Variants in MTMR7 observed in about 807,000 individuals in gnomAD.
MTMR7 encodes myotubularin related protein 7.
Under a neutral mutation model 81.2 loss-of-function variants are expected in MTMR7, and 76 were observed. That is an observed-to-expected ratio of 0.94 (90% CI 0.78 to 1.13). The LOEUF (loss-of-function observed/expected upper bound fraction) is 1.13. Ranked by LOEUF, MTMR7 falls within the 50% of genes most tolerant of loss-of-function variation. The probability of loss-of-function intolerance (pLI) is 0.00; values close to 1 mark genes in which losing one functional copy is unlikely to be tolerated. For missense variants in MTMR7, 1,044 were observed against 820.0 expected (o/e 1.27, Z -3.34); for synonymous variants, 372 against 289.8 (o/e 1.28, Z -2.88).
intron 7 of MTMR7, 98 bp downstream of exon 7, chr8:17,331,052 C>T: frequency 7.2e-7 from 1 of 1,396,862 alleles, no homozygotes; most frequent in Non-Finnish European, 9.7e-7. Flanking sequence ...AATTATCACA[C>T]CTATGTAAAA....
chr8:17,329,276 A>G (rs767187983), intron 7 of MTMR7, among the ~76,000 whole-genome samples: 5 of 152,198 alleles, frequency 3.3e-5, no homozygotes, highest in Non-Finnish European at 7.3e-5. Context: ...CAGCCTCCGC[A>G]ATGGTTTATA....
intron 2 of MTMR7, among the ~76,000 whole-genome samples, chr8:17,371,786 TG>T (rs533771667): frequency 6.2e-4 from 94 of 151,994 alleles, no homozygotes; most frequent in Admixed American, 1.4e-3. Context: ...TGTGATGCTG[TG>T]ATATATGTAC....
At chr8:17,372,527 G>T (rs1554515977) in intron 2 of MTMR7, among the ~76,000 whole-genome samples, 1 of 152,104 alleles carries the variant, frequency 6.6e-6, no homozygotes, top group African/African-American at 2.4e-5. Flanking sequence ...GGCAGAGGCT[G>T]CAGTGAGCTG....
At chr8:17,362,279 T>C (rs1820083462) in intron 3 of MTMR7, among the ~76,000 whole-genome samples, 1 of 152,218 alleles carries the variant, frequency 6.6e-6, no homozygotes. Flanking sequence ...GTCTTTGAAA[T>C]TTCACATGTA....
intron 1 of MTMR7, among the ~76,000 whole-genome samples, chr8:17,397,986 G>T (rs1456546540): frequency 6.6e-6 from 1 of 152,188 alleles, no homozygotes; most frequent in Non-Finnish European, 1.5e-5. Flanking sequence ...GTACCTCCGT[G>T]AGTCTGCAAA....
intron 1 of MTMR7, among the ~76,000 whole-genome samples, chr8:17,403,428 C>T (rs12375304): frequency 0.08 from 12,213 of 152,146 alleles, 541 homozygotes; most frequent in Middle Eastern, 0.15. Flanking sequence ...TCTGTTCCAG[C>T]GGTCTATGTC....
At chr8:17,302,472 T>A in intron 12 of MTMR7, 192 bp from the exon 13 acceptor site, 2 of 528,070 alleles carry the variant, frequency 3.8e-6, no homozygotes, top group Non-Finnish European at 6.5e-6. Context: ...TAAATGCCTT[T>A]TGGGGAGAAT....
chr8:17,306,544 C>A (rs895714444), intron 10 of MTMR7, among the ~76,000 whole-genome samples: 9 of 152,202 alleles, frequency 5.9e-5, no homozygotes, highest in Non-Finnish European at 1.2e-4. Context: ...GCACATCAGA[C>A]TCGTCTTCCT....
Position 17,298,265 on chromosome 8 carries a change from T to TAA in MTMR7, c.*1595_*1596dup, listed in dbSNP as rs1417483474. The stretch of plus-strand genomic sequence containing the variant: ...CATATAGTATATTGCAGAAAATGAA[T>TAA]AAACATTCCTTGTACTTAATTTGGG... On this transcript the variant is annotated 3_prime_UTR_variant, in exon 14 of 14. Coordinates refer to ENST00000180173, the MANE Select transcript of MTMR7 (RefSeq NM_004686.5). 5 of 152,080 alleles carry TAA rather than the reference T, an allele frequency of 3.3e-5. No individual in the cohort carries two copies. Among genetic ancestry groups the TAA allele is most frequent in the African/African-American group, 1.2e-4 (5 of 41,464 alleles). The allele number at this position is 152,080 out of a possible 1,614,324, so 9.4% of individuals were successfully genotyped here.
At position 17,396,567 on chromosome 8, in the gene MTMR7, T is replaced by C. The variant is rs192409609; in HGVS notation, c.24+16702A>G. Among the ~76,000 whole-genome samples, 9 of 152,260 alleles carry C rather than the reference T, an allele frequency of 5.9e-5. No individual in the cohort carries two copies. The East Asian group carries it at 1.7e-3, about 29-fold the overall frequency. On this transcript the variant is annotated intron_variant, in intron 1 of 13. Transcript: ENST00000180173. ...GCTAGAGGGAAATTGCCTATCCCAG[T>C]GGTCAGAACTTGAATTCTGGCAAGC...
intron 1 of MTMR7, among the ~76,000 whole-genome samples, chr8:17,376,182 T>C (rs1820582055): frequency 2.0e-5 from 3 of 152,242 alleles, no homozygotes; most frequent in Non-Finnish European, 2.9e-5. Context: ...CAACATGTCA[T>C]ACTTTGATAG....
intron 1 of MTMR7, among the ~76,000 whole-genome samples, chr8:17,393,071 G>C (rs1477646912): frequency 6.6e-6 from 1 of 152,182 alleles, no homozygotes; most frequent in South Asian, 2.1e-4. Flanking sequence ...ATTGGCTAAG[G>C]ATAGACAAAG....
At chr8:17,355,069 T>C (rs1819847593) in intron 4 of MTMR7, among the ~76,000 whole-genome samples, 1 of 152,260 alleles carries the variant, frequency 6.6e-6, no homozygotes, top group East Asian at 1.9e-4. Context: ...TATATATGAG[T>C]CATGTTTATG....
intron 6 of MTMR7, among the ~76,000 whole-genome samples, chr8:17,336,859 C>G (rs1819256482): frequency 6.6e-6 from 1 of 152,152 alleles, no homozygotes; most frequent in African/African-American, 2.4e-5. Context: ...GGAAACGAGG[C>G]TCTGCTGGAG....
intron 1 of MTMR7, among the ~76,000 whole-genome samples, chr8:17,400,573 T>C (rs1033235256): frequency 2.0e-5 from 3 of 152,236 alleles, no homozygotes; most frequent in African/African-American, 7.2e-5. Context: ...TTATCAAGCG[T>C]TACCCTTGGT....
chr8:17,312,886 C>T (rs571206247), intron 8 of MTMR7, among the ~76,000 whole-genome samples: 2 of 152,274 alleles, frequency 1.3e-5, no homozygotes, highest in South Asian at 2.1e-4. Context: ...TTTCCTATGG[C>T]GGAATGGACT....
chr8:17,350,543 C>T (rs1819698619), intron 4 of MTMR7, among the ~76,000 whole-genome samples: 1 of 152,150 alleles, frequency 6.6e-6, no homozygotes, highest in Non-Finnish European at 1.5e-5. Context: ...CCTCCCATGA[C>T]ATGTTGGGAT....
intron 11 of MTMR7, among the ~76,000 whole-genome samples, chr8:17,305,494 C>G (rs1220208665): frequency 6.6e-6 from 1 of 152,094 alleles, no homozygotes. Context: ...CCAGAAAATT[C>G]CCTTTCGATA....
At chr8:17,375,620 T>A (rs1311783749) in intron 1 of MTMR7, among the ~76,000 whole-genome samples, 1 of 152,174 alleles carries the variant, frequency 6.6e-6, no homozygotes, top group African/African-American at 2.4e-5. Flanking sequence ...CAGCATTTCT[T>A]ACATATTTAT....
Sources: gnomAD v4.1 joint callset for allele counts (sites outside exome capture counted in the v4.1 genomes callset) on GRCh38, gnomAD v4.1.1 for gene constraint, MANE v1.5 for transcripts, NCBI Gene and HGNC (gene_info 2026-07-23, HGNC 2026-07-21) for gene names.